Variants in AGRN observed in about 807,000 individuals in gnomAD.
The protein encoded by AGRN is agrin proteoglycan.
Under a neutral mutation model 211.0 loss-of-function variants are expected in AGRN, and 106 were observed. The observed-to-expected ratio is 0.50, with a 90% CI of 0.43 to 0.59. The LOEUF is 0.59. Ranked by LOEUF, AGRN falls within the 20% of genes least tolerant of loss-of-function variation. The probability of loss-of-function intolerance (pLI) is 0.00; values close to 1 mark genes in which losing one functional copy is unlikely to be tolerated. For synonymous variants in AGRN, 1,525 were observed against 1,332.5 expected, an observed-to-expected ratio of 1.14 and a Z score of -3.15; for missense variants, 3,040 against 2,982.6, an observed-to-expected ratio of 1.02 and a Z score of -0.45.
At chr1:1,044,573 C>A in intron 12 of AGRN, 134 bp downstream of exon 12, 1 of 971,252 alleles carries the variant, frequency 1.0e-6, no homozygotes, top group Non-Finnish European at 1.5e-6. Flanking sequence ...GAGCATCGTC[C>A]AGTGTTGGTG....
chr1:1,054,307 A>G (rs1645393557), intron 34 of AGRN, 141 bp from the exon 35 acceptor site: 1 of 789,834 alleles, frequency 1.3e-6, no homozygotes, highest in Admixed American at 2.4e-5. Flanking sequence ...AGGCCACCTC[A>G]TCCTTGCCCC....
At chr1:1,021,173 G>A (rs183693208) in intron 1 of AGRN, among the ~76,000 whole-genome samples, 181 of 152,314 alleles carry the variant, frequency 1.2e-3, no homozygotes, top group Non-Finnish European at 2.1e-3. Flanking sequence ...CAGACTGGCC[G>A]GTGCGGGCTA....
chr1:1,051,215 G>A (rs1420879181), intron 30 of AGRN, 38 bp from the exon 31 acceptor site: 11 of 1,565,182 alleles, frequency 7.0e-6, no homozygotes, highest in Middle Eastern at 3.4e-4. Context: ...TGCACCGTGG[G>A]TGGGCTCTGC....
chr1:1,030,376 CAT>C (rs34855461), intron 2 of AGRN, among the ~76,000 whole-genome samples: 4,400 of 27,784 alleles, frequency 0.16, 418 homozygotes, highest in East Asian at 0.38. Context: ...GTGAGATCAG[CAT>C]GTGTGTGTGT....
chr1:1,046,944 C>T lies in AGRN; in HGVS notation c.3375C>T (p.Gly1125=). 3 of 1,579,688 alleles carry T rather than the reference C, an allele frequency of 1.9e-6. No individual in the cohort carries two copies. Among genetic ancestry groups the T allele is most frequent in the Non-Finnish European group, 2.6e-6 (3 of 1,163,652 alleles). Residue 1125 remains glycine, a synonymous_variant, in exon 19 of 36, where the codon GGC becomes GGT. Transcript: ENST00000379370. ...AGACGCCCTCGCTGGACGCAGAGGG[C>T]TCCAACTGCCCCGGTGAGTGGACGG... The part of the protein sequence containing the change: ...DGKTPSLDAE[G]SNCPATKVFQ...
intron 2 of AGRN, chr1:1,034,279 G>A (rs2710884): frequency 0.31 from 307,012 of 985,248 alleles, 48,951 homozygotes; most frequent in South Asian, 0.34. Flanking sequence ...CAGCAGGGGT[G>A]GCTGCGGGCT....
rs755515269 is a variant in AGRN, at chr1:1,045,190, G to T, written c.2284G>T (p.Ala762Ser). The change falls in exon 13 of 36, where the codon GCC (alanine) becomes TCC (serine). Residue 762 changes from alanine (A) to serine (S), a missense_variant. Ala to Ser is a moderately conservative substitution (Grantham distance 99, BLOSUM62 1). Coordinates refer to ENST00000379370, the MANE Select transcript of AGRN (RefSeq NM_198576.4). ...CACCTTCGCCCCGCTGCCGCCTGTG[G>T]CCCCCTTACACTGTGCCCAGACGCC... is the stretch of plus-strand genomic sequence containing the variant. ...GPTFAPLPPV[A>S]PLHCAQTPYG... 9 of 1,612,614 alleles carry T rather than the reference G, an allele frequency of 5.6e-6. No individual in the cohort carries two copies. Among genetic ancestry groups the T allele is most frequent in the Non-Finnish European group, 7.6e-6 (9 of 1,179,960 alleles).
In AGRN at chr1:1,055,121, C is replaced by T. The variant is rs933414463; in HGVS notation, c.*140C>T. The stretch of plus-strand genomic sequence containing the variant: ...CCCTTCCGTCCAGGCAGCCGTGCTG[C>T]AGACAGACCTAGTGCCGAGGGATGG... On this transcript the variant is annotated 3_prime_UTR_variant, in exon 36 of 36. Transcript: ENST00000379370. The T allele has an allele frequency of 3.6e-6, 5 of 1,370,292 alleles. No individual in the cohort carries two copies. The highest frequency in any genetic ancestry group is 4.0e-6 in the Non-Finnish European group (4 of 1,001,926). The allele number at this position is 1,370,292 out of a possible 1,614,324, so 84.9% of individuals were successfully genotyped here.
At position 1,053,934 on chromosome 1, in the gene AGRN, G is replaced by C; in HGVS notation, c.5833G>C (p.Val1945Leu). 1 of 1,604,482 alleles carries C rather than the reference G, an allele frequency of 6.2e-7. No individual in the cohort carries two copies. The change falls in exon 34 of 36, where the codon GTG becomes CTG. Residue 1945 changes from valine to leucine, a missense_variant. Physicochemically the swap from Val to Leu is conservative, Grantham distance 32 (BLOSUM62 1). Transcript: ENST00000379370. ...GSQPVVLRST[V>L]PVNTNRWLRV... is the part of the protein sequence containing the mutation. Reference sequence around the variant, plus strand: ...CCAGCCCGTGGTGCTGCGTTCCACCGTGCCCGTCAACACCAACCGCTGGTT... The same window carrying C: ...CCAGCCCGTGGTGCTGCGTTCCACCCTGCCCGTCAACACCAACCGCTGGTT...
In AGRN at chr1:1,047,463, G is replaced by A; in HGVS notation, c.3516+9G>A. 6.2e-7 allele frequency: 1 copy of A among 1,612,676 alleles called. No individual in the cohort carries two copies. The highest frequency in any genetic ancestry group is 1.7e-5 in the Admixed American group (1 of 59,962). ...GGAGCATTGAGAGCACCGTAAGACG[G>A]GGGCGCAGCCCCCACCTACCCACTG... On this transcript the variant is annotated intron_variant, in intron 20 of 35. Coordinates refer to ENST00000379370, the MANE Select transcript of AGRN (RefSeq NM_198576.4).
At chr1:1,020,847 C>CG (rs70949542) in intron 1 of AGRN, among the ~76,000 whole-genome samples, 1,185 of 69,516 alleles carry the variant, frequency 0.017, 101 homozygotes, top group African/African-American at 0.027. Flanking sequence ...CGCAGTGGTG[C>CG]GGGGGGGGGG....
intron 2 of AGRN, chr1:1,034,103 G>A (rs1007577942): frequency 1.0e-6 from 1 of 984,756 alleles, no homozygotes; most frequent in Non-Finnish European, 1.2e-6. Flanking sequence ...CGCCCCTCCT[G>A]CCTGCCCGCT....
At chr1:1,025,127 G>T (rs577251110) in intron 2 of AGRN, among the ~76,000 whole-genome samples, 54 of 152,282 alleles carry the variant, frequency 3.5e-4, no homozygotes, top group African/African-American at 1.3e-3. Flanking sequence ...ATCCCTCCCT[G>T]CTAGGAGCCA....
At chr1:1,039,269 A>G (rs1644871431) in intron 3 of AGRN, among the ~76,000 whole-genome samples, 1 of 151,534 alleles carries the variant, frequency 6.6e-6, no homozygotes, top group Non-Finnish European at 1.5e-5. Flanking sequence ...GGTAGGTTGC[A>G]GGGATGGCAG....
In AGRN at chr1:1,043,433, C is replaced by T; in HGVS notation, c.1579C>T (p.Gln527Ter). 6.2e-7 allele frequency: 1 copy of T among 1,606,836 alleles called. No homozygotes were observed. The highest frequency in any genetic ancestry group is 8.5e-7 in the Non-Finnish European group (1 of 1,178,556). ...ATACTLGREI[Q>*]VARKGPCDRC... ...GGCCTGTACCCTCGGGCGGGAGATC[C>T]AGGTGGCGCGCAAAGGACCCTGTGG... The change falls in exon 8 of 36, where the codon CAG (glutamine) becomes TAG (stop). Residue 527 changes from glutamine to a stop codon, truncating the protein, a stop_gained. Transcript: ENST00000379370. LOFTEE classifies it high-confidence loss of function.
chr1:1,037,019 C>A (rs905739963), intron 3 of AGRN, among the ~76,000 whole-genome samples: 4 of 152,156 alleles, frequency 2.6e-5, no homozygotes, highest in Non-Finnish European at 5.9e-5. Context: ...GACCCTCTCC[C>A]TCCTGGCAGC....
At chr1:1,050,393 A>G in intron 28 of AGRN, 34 bp from the exon 29 acceptor site, 1 of 1,612,492 alleles carries the variant, frequency 6.2e-7, no homozygotes. Flanking sequence ...TGGGGAGGGG[A>G]CAGCAAAGAC....
intron 1 of AGRN, among the ~76,000 whole-genome samples, chr1:1,021,366 G>A (rs1011680757): frequency 6.6e-6 from 1 of 152,234 alleles, no homozygotes; most frequent in South Asian, 2.1e-4. Flanking sequence ...CCTACTGTTG[G>A]GGGGCGTGGA....
At chr1:1,052,545 ATG>A (rs1432292273) in intron 33 of AGRN, 2 of 210,374 alleles carry the variant, frequency 9.5e-6, no homozygotes. Flanking sequence ...GGGTCCATGT[ATG>A]TGTGTGTATA....
Sources: gnomAD v4.1 joint callset for allele counts (sites outside exome capture counted in the v4.1 genomes callset) on GRCh38, gnomAD v4.1.1 for gene constraint, MANE v1.5 for transcripts, NCBI Gene and HGNC (gene_info 2026-07-23, HGNC 2026-07-21) for gene names.